ANKFN1: variants seen among roughly 807,000 people sequenced by gnomAD.
The protein encoded by ANKFN1 is ankyrin repeat and fibronectin type III domain containing 1, also known as ankyrin repeat and fibronectin type-III domain-containing protein 1.
A neutral mutation model predicts 108.7 loss-of-function variants in ANKFN1; 74 were observed. The ratio of observed to expected loss-of-function variants is 0.68; its 90% CI spans 0.56 to 0.83. The LOEUF (loss-of-function observed/expected upper bound fraction) is 0.83, where lower values mean the gene tolerates loss of function less well. ANKFN1 is among the 40% of genes least tolerant of loss of function. The pLI is 0.00. For synonymous variants in ANKFN1, 547 were observed against 516.2 expected (o/e 1.06, Z -0.81); for missense variants, 1,505 against 1,382.3 (o/e 1.09, Z -1.41).
Position 56,306,750 on chromosome 17 carries a change from A to C in ANKFN1, c.54-19471A>C, listed in dbSNP as rs1384840305. Among the ~76,000 whole-genome samples the C allele has an allele frequency of 5.3e-5, 8 of 152,214 alleles. No individual in the cohort carries two copies. The East Asian group carries it at 1.5e-3, about 29-fold the overall frequency. ...TGCCTTAAAGTTCATATGGAACCAA[A>C]AAAGAGCCCACATTGCCAAGTCAAT... is the stretch of plus-strand genomic sequence containing the variant. On this transcript the variant is annotated intron_variant, in intron 3 of 20. Coordinates refer to ENST00000682825, the MANE Select transcript of ANKFN1 (RefSeq NM_001370326.1).
chr17:56,289,170 T>A (rs115166474), intron 3 of ANKFN1, among the ~76,000 whole-genome samples: 9 of 152,292 alleles, frequency 5.9e-5, no homozygotes, highest in African/African-American at 1.9e-4. Context: ...CAGTCTGATA[T>A]TTGCCATTAA....
At position 56,513,356 on chromosome 17, in the gene ANKFN1, CTTAA is replaced by C. The variant is rs368765391; in HGVS notation, c.*2092_*2095del. Among the ~76,000 whole-genome samples the C allele has an allele frequency of 2.6e-5, 4 of 152,260 alleles. No homozygotes were observed. Among genetic ancestry groups the C allele is most frequent in the African/African-American group, 9.6e-5 (4 of 41,532 alleles). On this transcript the variant is annotated 3_prime_UTR_variant, in exon 21 of 21. Transcript: ENST00000682825. ...TTCATGTAATACACATCTAAGTTAACTTAATTAAACAGCAAATTTGGGAAAAACA... is the reference window on the plus strand; with the variant it reads ...TTCATGTAATACACATCTAAGTTAACTTAAACAGCAAATTTGGGAAAAACA...
At chr17:56,131,314 A>G (rs748979271) in intron 4 of ANKFN1, among the ~76,000 whole-genome samples, 3 of 152,170 alleles carry the variant, frequency 2.0e-5, no homozygotes, top group Non-Finnish European at 4.4e-5. Context: ...AATGGAGAAT[A>G]TTCAGGAGGT....
At chr17:56,213,018 T>C (rs1237397723) in intron 2 of ANKFN1, among the ~76,000 whole-genome samples, 1 of 152,214 alleles carries the variant, frequency 6.6e-6, no homozygotes. Flanking sequence ...TTTGTATTTA[T>C]TCCAGGCAGT....
At chr17:56,376,507 G>T (rs2046953263) in intron 8 of ANKFN1, among the ~76,000 whole-genome samples, 1 of 152,154 alleles carries the variant, frequency 6.6e-6, no homozygotes, top group Non-Finnish European at 1.5e-5. Flanking sequence ...TGTTAGATAT[G>T]GACGTTTTCT....
intron 15 of ANKFN1, among the ~76,000 whole-genome samples, chr17:56,474,181 T>C (rs2050422185): frequency 6.6e-6 from 1 of 152,170 alleles, no homozygotes. Context: ...AACAGACTGG[T>C]CCTCAGGACC....
chr17:56,064,641 C>T (rs990916165), intron 4 of ANKFN1, among the ~76,000 whole-genome samples: 1 of 152,240 alleles, frequency 6.6e-6, no homozygotes, highest in Non-Finnish European at 1.5e-5. Context: ...TTTCCCCCAC[C>T]CAGGCAGCTT....
chr17:56,139,720 C>G lies in ANKFN1; in HGVS notation c.289-88197C>G, dbSNP rs144429143. 5.8e-3 allele frequency among the ~76,000 whole-genome samples: 885 copies of G among 152,266 alleles called. 37 individuals are homozygous for G. Among genetic ancestry groups the G allele is most frequent in the Admixed American group, 0.054 (824 of 15,288 alleles). ...CTGCTCAGAAGTCACTGTCTTTTTT[C>G]TGGCCCTTAAATGCTGTATAGGACA... On this transcript the variant is annotated intron_variant, in intron 4 of 12. Coordinates refer to the ANKFN1 transcript ENST00000635860.
intron 20 of ANKFN1, among the ~76,000 whole-genome samples, chr17:56,504,456 G>T (rs967347673): frequency 1.3e-5 from 2 of 151,922 alleles, no homozygotes; most frequent in African/African-American, 4.8e-5. Flanking sequence ...TGTAGTTTAG[G>T]AAATCTACTG....
chr17:56,252,636 G>T (rs184061494), intron 3 of ANKFN1, among the ~76,000 whole-genome samples: 72 of 151,460 alleles, frequency 4.8e-4, no homozygotes, highest in African/African-American at 1.7e-3. Context: ...AAATTAGCTG[G>T]GCAGGGTGGT....
chr17:56,433,570 T>C (rs2048830658), intron 8 of ANKFN1, among the ~76,000 whole-genome samples: 3 of 152,056 alleles, frequency 2.0e-5, no homozygotes, highest in Admixed American at 2.0e-4. Flanking sequence ...AGTGAAGTAC[T>C]CAGAAATGGA....
At chr17:56,171,538 T>C (rs1910696843) in intron 1 of ANKFN1, among the ~76,000 whole-genome samples, 1 of 152,164 alleles carries the variant, frequency 6.6e-6, no homozygotes, top group Non-Finnish European at 1.5e-5. Flanking sequence ...TTTGTGTGAA[T>C]GAGTGGCATG....
intron 11 of ANKFN1, among the ~76,000 whole-genome samples, chr17:56,452,674 T>C (rs1044282346): frequency 6.6e-6 from 1 of 152,190 alleles, no homozygotes; most frequent in African/African-American, 2.4e-5. Context: ...AAAGTACAGT[T>C]TTACCATGTG....
chr17:56,506,784 G>A (rs998734019), intron 20 of ANKFN1, among the ~76,000 whole-genome samples: 5 of 152,012 alleles, frequency 3.3e-5, no homozygotes, highest in Admixed American at 2.6e-4. Flanking sequence ...AGAGAGTCAT[G>A]GAAATGCTAA....
chr17:56,236,834 A>ATCCT (rs1358514587), intron 3 of ANKFN1, among the ~76,000 whole-genome samples: 1 of 152,164 alleles, frequency 6.6e-6, no homozygotes, highest in East Asian at 1.9e-4. Flanking sequence ...GAGAGAGGGC[A>ATCCT]TCCTTGACTT....
chr17:56,138,754 G>A (rs1341989893), intron 4 of ANKFN1, among the ~76,000 whole-genome samples: 3 of 151,930 alleles, frequency 2.0e-5, no homozygotes, highest in East Asian at 1.9e-4. Flanking sequence ...CAAGTGATCT[G>A]CCCACCTTGG....
intron 4 of ANKFN1, among the ~76,000 whole-genome samples, chr17:56,115,210 A>G (rs1906190710): frequency 6.6e-6 from 1 of 152,194 alleles, no homozygotes; most frequent in Non-Finnish European, 1.5e-5. Context: ...TACCTTGGAG[A>G]ATCACTGTGA....
At chr17:56,403,750 T>G (rs1295051545) in intron 8 of ANKFN1, among the ~76,000 whole-genome samples, 1 of 152,166 alleles carries the variant, frequency 6.6e-6, no homozygotes, top group Non-Finnish European at 1.5e-5. Context: ...TATTTTTGTT[T>G]TATAGTTCCT....
chr17:56,134,480 A>C (rs1262120470), intron 4 of ANKFN1, among the ~76,000 whole-genome samples: 1 of 152,146 alleles, frequency 6.6e-6, no homozygotes, highest in African/African-American at 2.4e-5. Context: ...GCCCACCAAG[A>C]GTAACCTCAA....
Sources: allele counts gnomAD v4.1 joint callset (sites outside exome capture counted in the v4.1 genomes callset), GRCh38; gene constraint gnomAD v4.1.1; transcripts MANE v1.5; gene names NCBI Gene and HGNC (gene_info 2026-07-23, HGNC 2026-07-21).